The following PVR variants were observed in gnomAD, a reference collection of about 807,000 sequenced individuals.
PVR encodes PVR cell adhesion molecule.
Under a neutral mutation model 43.3 loss-of-function variants are expected in PVR, and 39 were observed. The observed-to-expected ratio is 0.90, with a 90% CI of 0.70 to 1.18. The LOEUF is 1.18. Among genes scored for constraint, PVR ranks in the 50% most tolerant of loss-of-function variants. The probability of loss-of-function intolerance (pLI) is 0.00; values close to 1 mark genes in which losing one functional copy is unlikely to be tolerated. For missense variants in PVR, 480 were observed against 549.7 expected, an observed-to-expected ratio of 0.87 and a Z score of 1.27; for synonymous variants, 224 against 233.2, an observed-to-expected ratio of 0.96 and a Z score of 0.36.
intron 3 of PVR, 147 bp downstream of exon 3, chr19:44,650,252 G>C: frequency 1.4e-6 from 1 of 699,506 alleles, no homozygotes; most frequent in South Asian, 2.5e-5. Flanking sequence ...CACCCCCATT[G>C]TCTGCACCAG....
chr19:44,655,359 G>T (rs1380440677), intron 4 of PVR, among the ~76,000 whole-genome samples: 3 of 152,194 alleles, frequency 2.0e-5, no homozygotes, highest in Admixed American at 6.5e-5. Flanking sequence ...AAAGTGCTGG[G>T]ATTACAGGCG....
Position 44,665,131 on chromosome 19 carries a change from G to A in PVR, c.*3320G>A, listed in dbSNP as rs62119318. On this transcript the variant is annotated 3_prime_UTR_variant, in exon 8 of 8. Transcript: ENST00000425690. Reference sequence around the variant, plus strand: ...AACTTATAGTAAGGTTAAGAAAACCGCAACTATCCTTATCAGAGACTTGGC... The same window carrying A: ...AACTTATAGTAAGGTTAAGAAAACCACAACTATCCTTATCAGAGACTTGGC... The A allele has an allele frequency of 0.046, 6,915 of 151,972 alleles. 204 individuals are homozygous for A. Among genetic ancestry groups the A allele is most frequent in the Non-Finnish European group, 0.062 (4,209 of 67,968 alleles). The allele number at this position is 151,972 out of a possible 1,614,324, so 9.4% of individuals were successfully genotyped here.
chr19:44,650,132 A>G, intron 3 of PVR, 27 bp downstream of exon 3: 1 of 1,506,408 alleles, frequency 6.6e-7, no homozygotes. Context: ...CAGCGATGGC[A>G]AGAACCCCTG....
Position 44,663,372 on chromosome 19 carries a change from T to C in PVR, c.*1561T>C, listed in dbSNP as rs1973634844. On this transcript the variant is annotated 3_prime_UTR_variant, in exon 8 of 8. Coordinates refer to ENST00000425690, the MANE Select transcript of PVR (RefSeq NM_006505.5). ...AATAAGCAGGACAGAGGATTTGCTC[T>C]GGACAGAGATGGAAGAGCCGGGAAC... The C allele has an allele frequency of 6.6e-6, 1 of 152,214 alleles. No homozygotes were observed. The highest frequency in any genetic ancestry group is 1.5e-5 in the Non-Finnish European group (1 of 68,094). The allele number at this position is 152,214 out of a possible 1,614,324, so 9.4% of individuals were successfully genotyped here.
In PVR at chr19:44,664,788, A is replaced by G. The variant is rs987340246; in HGVS notation, c.*2977A>G. 6.1e-5 allele frequency: 9 copies of G among 147,662 alleles called. No homozygotes were observed. The highest frequency in any genetic ancestry group is 1.4e-4 in the Non-Finnish European group (9 of 66,660). 9.1% of individuals were successfully genotyped at this position (147,662 alleles called of 1,614,324 possible). A position where few individuals can be genotyped will look rare whatever the true frequency, so the allele number is the denominator to read the frequency against. The stretch of plus-strand genomic sequence containing the variant: ...GGTCTCAAATTCCTGGGCCCAAACA[A>G]TCCTCCCGCCTTGGCCTCCTAAAGT... On this transcript the variant is annotated 3_prime_UTR_variant, in exon 8 of 8. Transcript: ENST00000425690.
chr19:44,644,308 G>A (rs1007462492), intron 1 of PVR, 133 bp downstream of exon 1: 1 of 646,326 alleles, frequency 1.5e-6, no homozygotes, highest in African/African-American at 1.9e-5. Flanking sequence ...CTCTGCCCCG[G>A]GGTTGGAAGG....
intron 3 of PVR, among the ~76,000 whole-genome samples, chr19:44,651,756 T>C (rs1399540292): frequency 6.6e-6 from 1 of 152,150 alleles, no homozygotes; most frequent in Non-Finnish European, 1.5e-5. Context: ...CACACATTTA[T>C]CTCCACTGAC....
intron 1 of PVR, among the ~76,000 whole-genome samples, chr19:44,645,053 A>G (rs1287760828): frequency 3.6e-5 from 4 of 111,142 alleles, no homozygotes; most frequent in African/African-American, 1.4e-4. Context: ...AATAAAATAT[A>G]TAATATATAT....
At chr19:44,658,106 C>T (rs1454195851) in intron 5 of PVR, among the ~76,000 whole-genome samples, 196 bp downstream of exon 5, 1 of 152,186 alleles carries the variant, frequency 6.6e-6, no homozygotes, top group Non-Finnish European at 1.5e-5. Context: ...TACACTCCCT[C>T]CACACACACA....
chr19:44,657,646 G>A, intron 4 of PVR, 116 bp from the exon 5 acceptor site: 2 of 1,019,386 alleles, frequency 2.0e-6, no homozygotes, highest in South Asian at 3.1e-5. Flanking sequence ...CTCCAGAGTT[G>A]CTCTCCGCTT....
chr19:44,656,423 C>T (rs774216345), intron 4 of PVR, among the ~76,000 whole-genome samples: 6 of 152,192 alleles, frequency 3.9e-5, no homozygotes, highest in Non-Finnish European at 7.3e-5. Flanking sequence ...CAGATAGCTG[C>T]GTTTGCATCC....
chr19:44,654,157 C>T, intron 4 of PVR, 140 bp downstream of exon 4: 1 of 612,870 alleles, frequency 1.6e-6, no homozygotes. Flanking sequence ...GGACGAGAGG[C>T]TGGGAGCCCG....
Position 44,654,170 on chromosome 19 carries a change from C to A in PVR, c.842+153C>A, listed in dbSNP as rs541406825. 7.0e-4 allele frequency among the ~76,000 whole-genome samples: 104 copies of A among 149,174 alleles called. No individual in the cohort carries two copies. The South Asian group carries it at 0.022, about 31-fold the overall frequency. ...AGGGACGAGAGGCTGGGAGCCCGGA[C>A]TCCTGGGTCTGAGGGAAGAGGGGCT... is the stretch of plus-strand genomic sequence containing the variant. On this transcript the variant is annotated intron_variant, in intron 4 of 7. Transcript: ENST00000425690.
intron 6 of PVR, among the ~76,000 whole-genome samples, chr19:44,661,049 C>T (rs1973577229): frequency 6.6e-6 from 1 of 152,158 alleles, no homozygotes; most frequent in South Asian, 2.1e-4. Context: ...CATCTGGTTC[C>T]AGAGCCAGGC....
rs1472613518 is a variant in PVR at position 44,665,938 on chromosome 19, C to T, written c.*4127C>T. ...GCGCCGCCCACCGCTCAACCAATCC[C>T]TGGCCAAAAGAATGGGACCGCCTGG... On this transcript the variant is annotated 3_prime_UTR_variant, in exon 8 of 8. Coordinates refer to ENST00000425690, the MANE Select transcript of PVR (RefSeq NM_006505.5). 6.6e-6 allele frequency: 1 copy of T among 152,314 alleles called. No homozygotes were observed. Among genetic ancestry groups the T allele is most frequent in the Non-Finnish European group, 1.5e-5 (1 of 68,154 alleles). The allele number at this position is 152,314 out of a possible 1,614,324, so 9.4% of individuals were successfully genotyped here.
rs555330779 is a variant in PVR at position 44,661,992 on chromosome 19, A to C, written c.*181A>C. ...AGGTCTCCAAGACCACCCTCCTTTC[A>C]TTTGCTAGAAGGACTCACTAGACTC... On this transcript the variant is annotated 3_prime_UTR_variant, in exon 8 of 8. Transcript: ENST00000425690. 8 of 598,138 alleles carry C rather than the reference A, an allele frequency of 1.3e-5. No homozygotes were observed. Among genetic ancestry groups the C allele is most frequent in the Non-Finnish European group, 2.4e-5 (8 of 335,906 alleles). 37.1% of individuals were successfully genotyped at this position (598,138 alleles called of 1,614,324 possible).
chr19:44,653,869 GTC>G (rs1320407972), intron 3 of PVR, 29 bp from the exon 4 acceptor site: 1 of 1,509,348 alleles, frequency 6.6e-7, no homozygotes, highest in Non-Finnish European at 9.2e-7. Flanking sequence ...AAGCCTCCCA[GTC>G]TCTGAACCTC....
At chr19:44,645,415 GTA>G (rs71171276) in intron 1 of PVR, among the ~76,000 whole-genome samples, 32,478 of 83,548 alleles carry the variant, frequency 0.39, 6,229 homozygotes, top group Admixed American at 0.48. Flanking sequence ...TATGTTTTGT[GTA>G]TATATATATA....
In PVR at chr19:44,658,816, C is replaced by A. The variant is rs554219868; in HGVS notation, c.1066C>A (p.Leu356Met). Reference protein sequence around the residue: ...IFLVLGILVFLILLGIGIYFY... With the variant: ...IFLVLGILVFMILLGIGIYFY... ...CCTGGTTCTGGGAATCCTGGTTTTT[C>A]TGATCCTGCTGGGGATCGGGATTTA... is the stretch of plus-strand genomic sequence containing the variant. Residue 356 changes from leucine to methionine, a missense_variant, in exon 6 of 8, where the codon CTG becomes ATG. Leu to Met is a conservative substitution (Grantham distance 15). Coordinates refer to ENST00000425690, the MANE Select transcript of PVR (RefSeq NM_006505.5). 249 of 1,614,064 alleles carry A rather than the reference C, an allele frequency of 1.5e-4. 3 individuals carry two copies. In the South Asian group the frequency reaches 2.4e-3, roughly 16 times the overall value.
Sources: allele counts gnomAD v4.1 joint callset (sites outside exome capture counted in the v4.1 genomes callset), GRCh38; gene constraint gnomAD v4.1.1; transcripts MANE v1.5; gene names NCBI Gene and HGNC (gene_info 2026-07-23, HGNC 2026-07-21).